The following EBF2 variants were observed in gnomAD, a reference collection of about 807,000 sequenced individuals.
EBF2 encodes the protein EBF transcription factor 2.
In EBF2, 21 loss-of-function variants were observed where a neutral mutation model predicts 72.8. The ratio of observed to expected loss-of-function variants is 0.29; its 90% CI spans 0.20 to 0.42. The LOEUF (loss-of-function observed/expected upper bound fraction) is 0.42. EBF2 is among the 10% of genes least tolerant of loss of function. EBF2 has a pLI of 1.00. For synonymous variants in EBF2, 299 were observed against 274.2 expected (o/e 1.09, Z -0.89); for missense variants, 637 against 731.2 (o/e 0.87, Z 1.49).
chr8:25,986,374 T>C (rs540244716), intron 6 of EBF2, among the ~76,000 whole-genome samples: 1 of 152,328 alleles, frequency 6.6e-6, no homozygotes. Context: ...AGAAGCATTG[T>C]TGAATGTGGA....
In EBF2 at chr8:26,044,648, G is replaced by C; in HGVS notation, c.131+81C>G. ...GGGGACAGGGAGAGAGAAAGGCACG[G>C]GGTGCGCGGGGGGGGTGCACACGGA... On this transcript the variant is annotated intron_variant, in intron 1 of 15. Transcript: ENST00000520164. The surrounding 1 kb of genome is among the most constrained non-coding windows in gnomAD (Gnocchi z 4.1). 1 of 1,528,700 alleles carries C rather than the reference G, an allele frequency of 6.5e-7. No individual in the cohort carries two copies. The highest frequency in any genetic ancestry group is 8.8e-7 in the Non-Finnish European group (1 of 1,135,468). 94.7% of individuals were successfully genotyped at this position (1,528,700 alleles called of 1,614,324 possible). A position where few individuals can be genotyped will look rare whatever the true frequency, so the allele number is the denominator to read the frequency against.
At chr8:25,893,445 C>A (rs1441654196) in intron 7 of EBF2, among the ~76,000 whole-genome samples, 2 of 151,944 alleles carry the variant, frequency 1.3e-5, no homozygotes, top group Non-Finnish European at 2.9e-5. Context: ...TGCCACCACA[C>A]CCAGCTAATT....
chr8:25,998,966 G>C (rs1563203587), intron 6 of EBF2, among the ~76,000 whole-genome samples: 1 of 151,960 alleles, frequency 6.6e-6, no homozygotes, highest in Non-Finnish European at 1.5e-5. Flanking sequence ...ACTAGTATAG[G>C]GAAAGAAAAA....
At chr8:25,999,742 G>C (rs180788097) in intron 6 of EBF2, among the ~76,000 whole-genome samples, 2 of 149,226 alleles carry the variant, frequency 1.3e-5, no homozygotes, top group Non-Finnish European at 3.0e-5. Flanking sequence ...TCTTTCTATC[G>C]TCGTGTTCAG....
chr8:25,862,783 T>G lies in EBF2; in HGVS notation c.1024A>C (p.Thr342Pro). The change falls in exon 11 of 16, where the codon ACC becomes CCC. Residue 342 changes from threonine (T) to proline (P), a missense_variant. Thr to Pro is a conservative substitution (Grantham distance 38). This residue lies in a region of EBF2 where 204 missense variants were observed against 301.2 expected (regional missense o/e 0.68). Transcript: ENST00000520164. The part of the protein sequence containing the change: ...RFIYTALNEP[T>P]IDYGFQRLQK... The stretch of plus-strand genomic sequence containing the variant: ...AGTCTCTGGAAGCCATAGTCTATGG[T>G]GGGTTCATTTAATGCTGAAAGAGAA... The G allele has an allele frequency of 1.3e-6, 2 of 1,593,608 alleles. No individual in the cohort carries two copies. Among genetic ancestry groups the G allele is most frequent in the Non-Finnish European group, 1.7e-6 (2 of 1,168,942 alleles).
At chr8:25,934,222 CAT>C (rs1419665721) in intron 6 of EBF2, among the ~76,000 whole-genome samples, 2 of 88,134 alleles carry the variant, frequency 2.3e-5, no homozygotes, top group Non-Finnish European at 4.4e-5. Context: ...ACTTCATGTG[CAT>C]ACACACACAC....
At position 25,845,074 on chromosome 8, in the gene EBF2, G is replaced by C. The variant is rs192261182; in HGVS notation, c.1697-434C>G. Among the ~76,000 whole-genome samples the C allele has an allele frequency of 1.4e-3, 213 of 152,212 alleles. 1 individual carries two copies. Among genetic ancestry groups the C allele is most frequent in the Non-Finnish European group, 1.9e-3 (132 of 68,016 alleles). ...GAGCCTGTTGATTTACTAGGGCATC[G>C]TTGATAACAAATCAAGCTTTTTATC... On this transcript the variant is annotated intron_variant, in intron 15 of 15. Coordinates refer to ENST00000520164, the MANE Select transcript of EBF2 (RefSeq NM_022659.4).
intron 6 of EBF2, among the ~76,000 whole-genome samples, chr8:25,988,210 G>A (rs1481949304): frequency 2.0e-5 from 3 of 152,028 alleles, no homozygotes; most frequent in Non-Finnish European, 4.4e-5. Flanking sequence ...TGAGAGCCCT[G>A]GGCTCATCAA....
intron 6 of EBF2, among the ~76,000 whole-genome samples, chr8:26,005,916 G>C (rs771458256): frequency 6.6e-6 from 1 of 151,552 alleles, no homozygotes; most frequent in Non-Finnish European, 1.5e-5. Flanking sequence ...TCCCAAAGTA[G>C]CCGCAGTTTA....
chr8:26,028,096 T>C (rs1440357315), intron 6 of EBF2, among the ~76,000 whole-genome samples: 1 of 152,224 alleles, frequency 6.6e-6, no homozygotes, highest in African/African-American at 2.4e-5. Flanking sequence ...ACTACACACT[T>C]AAAATGGCTA....
intron 15 of EBF2, among the ~76,000 whole-genome samples, chr8:25,848,399 C>T (rs1801884893): frequency 6.6e-6 from 1 of 152,152 alleles, no homozygotes; most frequent in African/African-American, 2.4e-5. Context: ...TGGAGAGGGT[C>T]TTCTGTTTCT....
chr8:25,942,170 C>T (rs1404555374), intron 6 of EBF2, among the ~76,000 whole-genome samples: 3 of 152,222 alleles, frequency 2.0e-5, no homozygotes, highest in African/African-American at 4.8e-5. Flanking sequence ...CATCTGGGAA[C>T]ATGCAATGGT....
intron 2 of EBF2, chr8:26,041,348 CCCAA>C (rs1563217239): frequency 1.3e-5 from 4 of 299,352 alleles, no homozygotes; most frequent in Non-Finnish European, 2.5e-5. Flanking sequence ...CTTAGGAAGC[CCCAA>C]GGCTTCCCTT....
chr8:26,045,024 T>C lies in EBF2; in HGVS notation c.-165A>G. The C allele has an allele frequency of 1.3e-6, 1 of 750,920 alleles. No individual in the cohort carries two copies. Among genetic ancestry groups the C allele is most frequent in the Non-Finnish European group, 2.1e-6 (1 of 483,082 alleles). 46.5% of individuals were successfully genotyped at this position (750,920 alleles called of 1,614,324 possible). On this transcript the variant is annotated 5_prime_UTR_variant, in exon 1 of 16. Transcript: ENST00000520164. Reference sequence around the variant, plus strand: ...AAAAAAAAAAAGATAACCCGTCCTTTGCTTCACTGGCGAGGTGCGGACTGA... The same window carrying C: ...AAAAAAAAAAAGATAACCCGTCCTTCGCTTCACTGGCGAGGTGCGGACTGA...
intron 14 of EBF2, chr8:25,858,063 G>C (rs1802130127): frequency 1.6e-6 from 1 of 623,242 alleles, no homozygotes. Flanking sequence ...ACTTACACAG[G>C]CCACACATGC....
intron 10 of EBF2, among the ~76,000 whole-genome samples, chr8:25,883,418 T>C (rs1232794053): frequency 2.0e-5 from 3 of 147,262 alleles, no homozygotes; most frequent in African/African-American, 5.0e-5. Flanking sequence ...CATCTCCCTT[T>C]TTTTTTTTTT....
chr8:25,906,449 G>T (rs1293224369), intron 7 of EBF2, among the ~76,000 whole-genome samples: 1 of 152,076 alleles, frequency 6.6e-6, no homozygotes, highest in Non-Finnish European at 1.5e-5. Context: ...CAAGAAGGCT[G>T]GTTTTATTTC....
chr8:25,963,370 C>T (rs1016049325), intron 6 of EBF2, among the ~76,000 whole-genome samples: 2 of 152,146 alleles, frequency 1.3e-5, no homozygotes, highest in African/African-American at 4.8e-5. Flanking sequence ...TAAAGAATGG[C>T]CATGGCATTT....
At chr8:26,016,179 T>C (rs1805107842) in intron 6 of EBF2, among the ~76,000 whole-genome samples, 1 of 152,200 alleles carries the variant, frequency 6.6e-6, no homozygotes, top group South Asian at 2.1e-4. Flanking sequence ...CTACTGATTT[T>C]TCTCACTCCA....
Sources: gnomAD v4.1 joint callset for allele counts (sites outside exome capture counted in the v4.1 genomes callset) on GRCh38, gnomAD v4.1.1 for gene constraint, gnomAD v4.1.1 regional missense constraint, Gnocchi (gnomAD v3.1) non-coding constraint, MANE v1.5 for transcripts, NCBI Gene and HGNC (gene_info 2026-07-23, HGNC 2026-07-21) for gene names.